The following MORC1 variants were observed in gnomAD, a reference collection of about 807,000 sequenced individuals.
The protein encoded by MORC1 is MORC family CW-type zinc finger 1.
Under a neutral mutation model 134.9 loss-of-function variants are expected in MORC1, and 59 were observed. The observed-to-expected ratio is 0.44, with a 90% CI of 0.35 to 0.54. The LOEUF is 0.54. Ranked by LOEUF, MORC1 falls within the 20% of genes least tolerant of loss-of-function variation. The pLI is 0.00. For missense variants in MORC1, 947 were observed against 1,134.5 expected, an observed-to-expected ratio of 0.83 and a Z score of 2.37; for synonymous variants, 395 against 391.7, an observed-to-expected ratio of 1.01 and a Z score of -0.10.
At chr3:109,028,532 A>G (rs2107599827) in intron 16 of MORC1, among the ~76,000 whole-genome samples, 1 of 152,318 alleles carries the variant, frequency 6.6e-6, no homozygotes, top group African/African-American at 2.4e-5. Flanking sequence ...CTTGTGGGTT[A>G]GTAAATACAT....
At chr3:109,065,867 T>G (rs1420247909) in intron 9 of MORC1, among the ~76,000 whole-genome samples, 2 of 152,182 alleles carry the variant, frequency 1.3e-5, no homozygotes, top group Non-Finnish European at 2.9e-5. Flanking sequence ...TTCTTTGCAG[T>G]GACATAATGC....
At chr3:108,963,728 G>T in intron 26 of MORC1, 120 bp from the exon 27 acceptor site, 2 of 659,138 alleles carry the variant, frequency 3.0e-6, no homozygotes, top group Non-Finnish European at 4.8e-6. Context: ...CTTCGTAGGT[G>T]GTCTAAATTT....
chr3:109,051,415 T>C (rs1308745704), intron 14 of MORC1, among the ~76,000 whole-genome samples: 1 of 152,226 alleles, frequency 6.6e-6, no homozygotes, highest in African/African-American at 2.4e-5. Context: ...TAACTTTGGT[T>C]ATTCCTGTGG....
chr3:109,047,352 TA>T (rs1949716928), intron 14 of MORC1, among the ~76,000 whole-genome samples: 1 of 152,160 alleles, frequency 6.6e-6, no homozygotes, highest in African/African-American at 2.4e-5. Context: ...ATAAGGGTCC[TA>T]AACTTTTTAG....
intron 14 of MORC1, among the ~76,000 whole-genome samples, chr3:109,047,917 C>T (rs1380959017): frequency 6.6e-6 from 1 of 152,158 alleles, no homozygotes; most frequent in African/African-American, 2.4e-5. Context: ...ACGCATTGAT[C>T]ATGACTGCTA....
chr3:108,998,625 G>A (rs561441763), intron 21 of MORC1, among the ~76,000 whole-genome samples: 23 of 152,280 alleles, frequency 1.5e-4, no homozygotes, highest in African/African-American at 5.3e-4. Context: ...AAGGAGCACG[G>A]GGGATGGGAT....
chr3:109,022,394 T>C (rs985504012), intron 17 of MORC1, among the ~76,000 whole-genome samples: 3 of 152,226 alleles, frequency 2.0e-5, no homozygotes, highest in Non-Finnish European at 2.9e-5. Context: ...CGGCAAGCCT[T>C]CTTTGTTATG....
At chr3:109,032,676 A>T in intron 16 of MORC1, 44 bp downstream of exon 16, 1 of 1,345,464 alleles carries the variant, frequency 7.4e-7, no homozygotes, top group Non-Finnish European at 1.0e-6. Context: ...TGAACTTTAG[A>T]AATTAAAAAT....
intron 21 of MORC1, among the ~76,000 whole-genome samples, chr3:108,995,243 TA>T (rs1442293454): frequency 6.6e-6 from 1 of 152,178 alleles, no homozygotes; most frequent in Non-Finnish European, 1.5e-5. Flanking sequence ...AGCAGAACTA[TA>T]GCAACATCTA....
intron 17 of MORC1, among the ~76,000 whole-genome samples, chr3:109,012,146 TGTTATTTTGGGG>T (rs1948700202): frequency 6.6e-6 from 1 of 151,096 alleles, no homozygotes; most frequent in Non-Finnish European, 1.5e-5. Flanking sequence ...AATCAATGTT[TGTTATTTTGGGG>T]GATATATGGC....
chr3:109,000,709 G>T (rs374090859), intron 20 of MORC1, 51 bp from the exon 21 acceptor site: 31 of 1,343,046 alleles, frequency 2.3e-5, no homozygotes, highest in Non-Finnish European at 3.3e-5. Context: ...GCAATCAATG[G>T]TACATACTAA....
At chr3:108,984,309 CA>C (rs917295863) in intron 23 of MORC1, among the ~76,000 whole-genome samples, 3 of 151,484 alleles carry the variant, frequency 2.0e-5, no homozygotes, top group African/African-American at 4.9e-5. Context: ...ATTCTCATGT[CA>C]AAAAAATTCT....
chr3:108,996,278 G>GCACACA (rs1553745292), intron 21 of MORC1, among the ~76,000 whole-genome samples: 1 of 52,508 alleles, frequency 1.9e-5, no homozygotes, highest in Non-Finnish European at 5.4e-5. Flanking sequence ...GCGTGCGTGC[G>GCACACA]CGCGCGCGCA....
chr3:109,080,816 A>G (rs1395476167), intron 8 of MORC1, among the ~76,000 whole-genome samples: 1 of 152,170 alleles, frequency 6.6e-6, no homozygotes, highest in African/African-American at 2.4e-5. Flanking sequence ...AAAATACATT[A>G]TAAAGGCTGT....
chr3:109,091,006 C>T (rs1280979721), intron 8 of MORC1, among the ~76,000 whole-genome samples: 2 of 152,118 alleles, frequency 1.3e-5, no homozygotes, highest in Non-Finnish European at 2.9e-5. Context: ...TGGACCAGAA[C>T]TAATCCTTTA....
chr3:109,059,723 C>A, intron 12 of MORC1, 83 bp downstream of exon 12: 3 of 1,204,464 alleles, frequency 2.5e-6, no homozygotes, highest in South Asian at 1.5e-5. Context: ...TCACAATAAC[C>A]ACTAAATCTG....
chr3:109,036,963 C>A (rs866641831), intron 14 of MORC1, among the ~76,000 whole-genome samples: 2 of 152,156 alleles, frequency 1.3e-5, no homozygotes, highest in Non-Finnish European at 2.9e-5. Flanking sequence ...AACCCCTGTT[C>A]TGGAAATGCC....
At chr3:109,087,703 T>C (rs1037738913) in intron 8 of MORC1, among the ~76,000 whole-genome samples, 5 of 152,128 alleles carry the variant, frequency 3.3e-5, no homozygotes, top group Non-Finnish European at 7.3e-5. Context: ...AATGACATTC[T>C]TCACAGAACT....
At chr3:109,003,963 T>G (rs1302785243) in intron 20 of MORC1, among the ~76,000 whole-genome samples, 1 of 152,160 alleles carries the variant, frequency 6.6e-6, no homozygotes, top group Non-Finnish European at 1.5e-5. Flanking sequence ...TGTGAGAGAT[T>G]TCTATAATGT....
Sources: gnomAD v4.1 joint callset for allele counts (sites outside exome capture counted in the v4.1 genomes callset) on GRCh38, gnomAD v4.1.1 for gene constraint, MANE v1.5 for transcripts, NCBI Gene and HGNC (gene_info 2026-07-23, HGNC 2026-07-21) for gene names.